Variants in ITPR1 observed in about 807,000 individuals in gnomAD.
ITPR1 encodes inositol 1,4,5-trisphosphate receptor type 1, also known as inositol 1,4,5-trisphosphate-gated calcium channel ITPR1.
ITPR1 carries 96 observed loss-of-function variants against 318.4 expected under a neutral mutation model. The ratio of observed to expected loss-of-function variants is 0.30; its 90% CI spans 0.26 to 0.36. ITPR1 has a LOEUF of 0.36. ITPR1 is among the 10% of genes least tolerant of loss of function. ITPR1 has a pLI of 1.00. For synonymous variants in ITPR1, 1,312 were observed against 1,289.9 expected (o/e 1.02, Z -0.37); for missense variants, 2,440 against 3,460.2 (o/e 0.71, Z 7.40).
At chr3:4,659,729 A>G (rs1171341085) in intron 13 of ITPR1, among the ~76,000 whole-genome samples, 1 of 152,054 alleles carries the variant, frequency 6.6e-6, no homozygotes, top group African/African-American at 2.4e-5. Flanking sequence ...AATTGTAATC[A>G]TCTTTAAATA....
At chr3:4,730,770 C>T (rs1233670706) in intron 42 of ITPR1, among the ~76,000 whole-genome samples, 1 of 152,160 alleles carries the variant, frequency 6.6e-6, no homozygotes, top group East Asian at 1.9e-4. Flanking sequence ...GGTACACAGG[C>T]TCCAGTTGAG....
In ITPR1 at chr3:4,729,566, A is replaced by G. The variant is rs530478906; in HGVS notation, c.5220+2393A>G. The stretch of plus-strand genomic sequence containing the variant: ...TTCTCTCTCTCCTTTGTGTGTGGCA[A>G]TGTTAACTCCTTAGTGCCTTGTTCA... On this transcript the variant is annotated intron_variant, in intron 42 of 61. Coordinates refer to ENST00000649015, the MANE Select transcript of ITPR1 (RefSeq NM_001378452.1). Among the ~76,000 whole-genome samples the G allele has an allele frequency of 1.2e-4, 18 of 152,274 alleles. No individual in the cohort carries two copies. The East Asian group carries it at 2.9e-3, about 24-fold the overall frequency.
intron 42 of ITPR1, among the ~76,000 whole-genome samples, chr3:4,730,673 C>T (rs540225868): frequency 6.6e-6 from 1 of 151,996 alleles, no homozygotes; most frequent in South Asian, 2.1e-4. Flanking sequence ...TTGCTGTTCA[C>T]CCTCAAAAAC....
At chr3:4,642,545 G>C (rs558076681) in intron 7 of ITPR1, among the ~76,000 whole-genome samples, 5 of 152,260 alleles carry the variant, frequency 3.3e-5, no homozygotes, top group Admixed American at 1.3e-4. Flanking sequence ...GTCCTGGAGA[G>C]GGTCCCTGTC....
At chr3:4,665,050 C>A in intron 16 of ITPR1, 88 bp from the exon 17 acceptor site, 1 of 1,394,216 alleles carries the variant, frequency 7.2e-7, no homozygotes, top group Non-Finnish European at 1.0e-6. Context: ...GTAATCCAGC[C>A]ACCCTTGAGC....
Position 4,777,279 on chromosome 3 carries a change from C to T in ITPR1, c.6196C>T (p.His2066Tyr). ...CHENQNCIAT[H>Y]ESNGIDIITA... ...CTTTGCTCAGAACTGCATAGCCACC[C>T]ATGAATCCAATGGCATTGACATCAT... Residue 2066 changes from histidine (H) to tyrosine (Y), a missense_variant, in exon 48 of 62, where the codon CAT becomes TAT. Transcript: ENST00000649015. 6.2e-7 allele frequency: 1 copy of T among 1,601,708 alleles called. No individual in the cohort carries two copies. The highest frequency in any genetic ancestry group is 8.5e-7 in the Non-Finnish European group (1 of 1,173,028).
chr3:4,667,257 C>G, intron 17 of ITPR1, 120 bp from the exon 18 acceptor site: 2 of 686,248 alleles, frequency 2.9e-6, no homozygotes, highest in Non-Finnish European at 4.6e-6. Flanking sequence ...CTCCCTTATA[C>G]TGTAATGTCT....
At chr3:4,633,621 G>A (rs1392221220) in intron 5 of ITPR1, among the ~76,000 whole-genome samples, 2 of 152,158 alleles carry the variant, frequency 1.3e-5, no homozygotes, top group Admixed American at 6.5e-5. Flanking sequence ...CCTTCTGCAG[G>A]AATAACTGGA....
At chr3:4,697,060 A>G (rs1473954834) in intron 33 of ITPR1, 87 bp from the exon 34 acceptor site, 2 of 1,245,478 alleles carry the variant, frequency 1.6e-6, no homozygotes, top group African/African-American at 1.5e-5. Context: ...GACCATTTTC[A>G]TCGGTCCTTG....
intron 33 of ITPR1, among the ~76,000 whole-genome samples, chr3:4,696,319 T>C (rs1292668081): frequency 2.6e-5 from 4 of 152,242 alleles, no homozygotes; most frequent in African/African-American, 7.2e-5. Flanking sequence ...TCTTTCTGAA[T>C]ATATGGATTT....
At chr3:4,833,995 G>A (rs1024356272) in intron 60 of ITPR1, among the ~76,000 whole-genome samples, 6 of 152,124 alleles carry the variant, frequency 3.9e-5, no homozygotes, top group African/African-American at 9.7e-5. Context: ...GGGCTCAAAC[G>A]ATCCTCCTGC....
chr3:4,754,790 C>A (rs2044827187), intron 44 of ITPR1, among the ~76,000 whole-genome samples: 1 of 152,212 alleles, frequency 6.6e-6, no homozygotes, highest in Non-Finnish European at 1.5e-5. Flanking sequence ...CTACCACAGT[C>A]CCCTTCCACT....
intron 60 of ITPR1, among the ~76,000 whole-genome samples, chr3:4,823,171 T>C (rs1316312110): frequency 6.6e-6 from 1 of 152,236 alleles, no homozygotes; most frequent in Non-Finnish European, 1.5e-5. Flanking sequence ...GAATTCATTA[T>C]GAGCACTTTG....
intron 45 of ITPR1, among the ~76,000 whole-genome samples, chr3:4,767,334 G>A (rs1223169382): frequency 9.2e-5 from 14 of 152,228 alleles, no homozygotes; most frequent in Admixed American, 9.2e-4. Flanking sequence ...CCCAGTAGAT[G>A]CCAGCAGCAT....
intron 49 of ITPR1, among the ~76,000 whole-genome samples, chr3:4,780,971 G>A (rs1460727772): frequency 6.6e-6 from 1 of 152,252 alleles, no homozygotes; most frequent in Non-Finnish European, 1.5e-5. Flanking sequence ...TGGCTCATAG[G>A]AGGAGTCAGG....
At chr3:4,531,554 C>T (rs1382634874) in intron 4 of ITPR1, among the ~76,000 whole-genome samples, 6 of 152,190 alleles carry the variant, frequency 3.9e-5, no homozygotes, top group African/African-American at 1.4e-4. Context: ...GACACACTCT[C>T]AGGGTTCCCA....
intron 60 of ITPR1, among the ~76,000 whole-genome samples, chr3:4,830,776 C>G (rs1189664087): frequency 2.6e-5 from 4 of 152,162 alleles, no homozygotes; most frequent in Admixed American, 2.6e-4. Context: ...AGAGGGGATT[C>G]TCAAGGGCAG....
intron 5 of ITPR1, among the ~76,000 whole-genome samples, chr3:4,639,129 A>G (rs1309313642): frequency 6.6e-6 from 1 of 152,114 alleles, no homozygotes; most frequent in Admixed American, 6.6e-5. Context: ...TCTCACCCTA[A>G]GCAAATACCC....
At chr3:4,681,624 A>AAGTGTGTGTGTGTGT (rs548578427) in intron 26 of ITPR1, among the ~76,000 whole-genome samples, 1 of 145,788 alleles carries the variant, frequency 6.9e-6, no homozygotes, top group South Asian at 2.2e-4. Flanking sequence ...AGAGAGAGAA[A>AAGTGTGTGTGTGTGT]GTGTGTGTGT....
Sources: allele counts gnomAD v4.1 joint callset (sites outside exome capture counted in the v4.1 genomes callset), GRCh38; gene constraint gnomAD v4.1.1; transcripts MANE v1.5; gene names NCBI Gene and HGNC (gene_info 2026-07-23, HGNC 2026-07-21).